Variants in C8orf34 observed in about 807,000 individuals in gnomAD.
C8orf34 encodes the protein uncharacterized protein C8orf34.
A neutral mutation model predicts 68.3 loss-of-function variants in C8orf34; 65 were observed. The ratio of observed to expected loss-of-function variants is 0.95; its 90% CI spans 0.78 to 1.17. C8orf34 has a LOEUF of 1.17. Ranked by LOEUF, C8orf34 falls within the 50% of genes most tolerant of loss-of-function variation. The pLI, the probability that C8orf34 is intolerant of heterozygous loss-of-function variation, is 0.00. For missense variants in C8orf34, 664 were observed against 655.4 expected, an observed-to-expected ratio of 1.01 and a Z score of -0.14; for synonymous variants, 244 against 241.2, an observed-to-expected ratio of 1.01 and a Z score of -0.11.
In C8orf34 at chr8:68,776,185, C is replaced by T. The variant is rs147423708; in HGVS notation, c.1405-214C>T. Among the ~76,000 whole-genome samples the T allele has an allele frequency of 1.5e-3, 229 of 152,196 alleles. 1 individual carries two copies. Among genetic ancestry groups the T allele is most frequent in the African/African-American group, 5.3e-3 (222 of 41,512 alleles). ...TAAAATAAAATATATTTTAAAAATC[C>T]ACTTGAAAGCTATATTGTTGTTTTG... On this transcript the variant is annotated intron_variant, in intron 10 of 13. Coordinates refer to ENST00000518698, the MANE Select transcript of C8orf34 (RefSeq NM_052958.4).
At chr8:68,349,499 T>C (rs1010736358) in intron 1 of C8orf34, among the ~76,000 whole-genome samples, 2 of 125,624 alleles carry the variant, frequency 1.6e-5, no homozygotes, top group African/African-American at 2.8e-5. Flanking sequence ...TATAATAGGT[T>C]GGGGAGGACT....
chr8:68,483,887 TC>T (rs1006382267), intron 4 of C8orf34, among the ~76,000 whole-genome samples: 4 of 152,178 alleles, frequency 2.6e-5, no homozygotes, highest in Admixed American at 6.5e-5. Flanking sequence ...AACTAATTTT[TC>T]CCTTCACTTC....
intron 7 of C8orf34, among the ~76,000 whole-genome samples, chr8:68,635,341 G>C (rs1168616788): frequency 6.6e-6 from 1 of 152,126 alleles, no homozygotes; most frequent in Non-Finnish European, 1.5e-5. Flanking sequence ...AAGGTAATGA[G>C]GGGCCAGCAT....
Position 68,647,310 on chromosome 8 carries a change from G to A in C8orf34, c.1241+6799G>A, listed in dbSNP as rs77655867. 5.6e-4 allele frequency among the ~76,000 whole-genome samples: 85 copies of A among 152,264 alleles called. No individual in the cohort carries two copies. The East Asian group carries it at 0.015, about 27-fold the overall frequency. ...GAAAGAGGAAAGATAACAAGTACCC[G>A]TGAGGATGTAGAGAAAAGGGAACAA... On this transcript the variant is annotated intron_variant, in intron 8 of 13. Transcript: ENST00000518698.
chr8:68,376,708 A>C, intron 1 of C8orf34, among the ~76,000 whole-genome samples: 1 of 151,660 alleles, frequency 6.6e-6, no homozygotes, highest in East Asian at 1.9e-4. Flanking sequence ...GTTTTGTTTT[A>C]TGTCCAGTAT....
chr8:68,683,631 C>G (rs1246859384), intron 8 of C8orf34, among the ~76,000 whole-genome samples: 4 of 151,716 alleles, frequency 2.6e-5, no homozygotes, highest in Admixed American at 1.3e-4. Flanking sequence ...GTATAAGTTT[C>G]AGAAAGAAAA....
intron 8 of C8orf34, among the ~76,000 whole-genome samples, chr8:68,698,411 T>G (rs1311864587): frequency 5.9e-5 from 9 of 152,212 alleles, no homozygotes; most frequent in Middle Eastern, 3.4e-3. Flanking sequence ...TTCAATGTTA[T>G]AGCACAGAAA....
intron 7 of C8orf34, among the ~76,000 whole-genome samples, chr8:68,622,468 A>G (rs937315279): frequency 1.3e-5 from 2 of 152,184 alleles, no homozygotes; most frequent in East Asian, 3.8e-4. Context: ...AAAAAAAATA[A>G]AAGTTGTAAG....
chr8:68,640,562 A>G, intron 8 of C8orf34, 51 bp downstream of exon 8: 1 of 1,536,216 alleles, frequency 6.5e-7, no homozygotes, highest in Non-Finnish European at 8.9e-7. Flanking sequence ...TGATTTTTAA[A>G]ATCTAAGATT....
chr8:68,339,813 T>A (rs1322365489), intron 1 of C8orf34, among the ~76,000 whole-genome samples: 1 of 151,994 alleles, frequency 6.6e-6, no homozygotes, highest in African/African-American at 2.4e-5. Context: ...AAATTAAACA[T>A]TTGTTCTTCA....
chr8:68,684,917 G>A (rs1820470172), intron 8 of C8orf34, among the ~76,000 whole-genome samples: 1 of 151,916 alleles, frequency 6.6e-6, no homozygotes, highest in African/African-American at 2.4e-5. Flanking sequence ...GTTAAATTTG[G>A]TGAAATAAGT....
At chr8:68,748,361 G>T (rs986236635) in intron 10 of C8orf34, among the ~76,000 whole-genome samples, 3 of 147,488 alleles carry the variant, frequency 2.0e-5, no homozygotes, top group African/African-American at 5.1e-5. Flanking sequence ...AAAAGCAATG[G>T]CAACAAAAGC....
chr8:68,465,718 G>A (rs979671855), intron 3 of C8orf34, among the ~76,000 whole-genome samples: 3 of 150,552 alleles, frequency 2.0e-5, no homozygotes, highest in South Asian at 2.1e-4. Context: ...ACCAAACACC[G>A]CATGTTCTCA....
intron 7 of C8orf34, among the ~76,000 whole-genome samples, chr8:68,536,358 C>CAAAAAAAAAAAAAAAAAAAAAAAAAAAAA: frequency 2.0e-5 from 1 of 49,226 alleles, no homozygotes; most frequent in Non-Finnish European, 3.5e-5. Flanking sequence ...GACCCTATCT[C>CAAAAAAAAAAAAAAAAAAAAAAAAAAAAA]AAAAAAAAAA....
rs141803222 is a variant in C8orf34, at chr8:68,348,497, A to G, written c.327+17158A>G. On this transcript the variant is annotated intron_variant, in intron 1 of 13. Coordinates refer to ENST00000518698, the MANE Select transcript of C8orf34 (RefSeq NM_052958.4). ...TAAAATAGTTTTTTCTATTTCTATG[A>G]AGAACATTGTTGGCAGTTTGATAGG... 1.6e-3 allele frequency among the ~76,000 whole-genome samples: 239 copies of G among 152,184 alleles called. 1 individual carries two copies. Among genetic ancestry groups the G allele is most frequent in the African/African-American group, 5.6e-3 (233 of 41,542 alleles).
chr8:68,589,931 A>G (rs907728072), intron 7 of C8orf34, among the ~76,000 whole-genome samples: 2 of 136,948 alleles, frequency 1.5e-5, no homozygotes, highest in African/African-American at 5.4e-5. Flanking sequence ...GGAGGGAGGG[A>G]AAGAAGGAAG....
intron 7 of C8orf34, among the ~76,000 whole-genome samples, chr8:68,596,585 T>C (rs1817552852): frequency 6.6e-6 from 1 of 152,108 alleles, no homozygotes; most frequent in African/African-American, 2.4e-5. Context: ...TATCAGCTTT[T>C]TCTTAGGCAG....
intron 7 of C8orf34, among the ~76,000 whole-genome samples, chr8:68,586,653 C>A (rs1817217817): frequency 6.6e-6 from 1 of 152,074 alleles, no homozygotes; most frequent in South Asian, 2.1e-4. Context: ...CTATAAGATA[C>A]AGGGATAAAT....
intron 7 of C8orf34, among the ~76,000 whole-genome samples, chr8:68,590,335 AATTAT>A (rs899895812): frequency 2.8e-4 from 42 of 152,236 alleles, no homozygotes; most frequent in Middle Eastern, 3.4e-3. Flanking sequence ...TTTCAGAAAC[AATTAT>A]ATTAAGAAAG....
Sources: gnomAD v4.1 joint callset for allele counts (sites outside exome capture counted in the v4.1 genomes callset) on GRCh38, gnomAD v4.1.1 for gene constraint, MANE v1.5 for transcripts, NCBI Gene and HGNC (gene_info 2026-07-23, HGNC 2026-07-21) for gene names.